Variants in XRRA1 observed in about 807,000 individuals in gnomAD.
XRRA1 encodes X-ray radiation resistance associated 1, also known as X-ray radiation resistance-associated protein 1.
In XRRA1, 69 loss-of-function variants were observed where a neutral mutation model predicts 80.2. The ratio of observed to expected loss-of-function variants is 0.86; its 90% CI spans 0.71 to 1.05. XRRA1 has a LOEUF of 1.05. Ranked by LOEUF, XRRA1 falls within the 50% of genes least tolerant of loss-of-function variation. The pLI, the probability that XRRA1 is intolerant of heterozygous loss-of-function variation, is 0.00. For missense variants in XRRA1, 967 were observed against 976.4 expected (o/e 0.99, Z 0.13); for synonymous variants, 348 against 389.9 (o/e 0.89, Z 1.27).
chr11:74,926,589 T>C (rs1942291108), intron 7 of XRRA1, among the ~76,000 whole-genome samples: 1 of 152,172 alleles, frequency 6.6e-6, no homozygotes, highest in Non-Finnish European at 1.5e-5. Flanking sequence ...TCTCCACATA[T>C]GTTGTCCTTT....
chr11:74,853,136 T>A (rs1019007692), intron 12 of XRRA1, among the ~76,000 whole-genome samples: 12 of 152,108 alleles, frequency 7.9e-5, no homozygotes, highest in African/African-American at 2.9e-4. Flanking sequence ...GAAACAAGCA[T>A]TGGAGAAACA....
At chr11:74,936,106 G>C (rs1036252158) in intron 4 of XRRA1, among the ~76,000 whole-genome samples, 3 of 152,240 alleles carry the variant, frequency 2.0e-5, no homozygotes, top group African/African-American at 7.2e-5. Context: ...GCAGAATCTG[G>C]AAACAAAGTA....
At chr11:74,907,386 GGT>G (rs2054859878) in intron 8 of XRRA1, 113 bp from the exon 9 acceptor site, 2 of 1,410,470 alleles carry the variant, frequency 1.4e-6, no homozygotes, top group East Asian at 4.9e-5. Flanking sequence ...GCTTAGGAAC[GGT>G]TCTAGTGCCC....
chr11:74,845,376 G>A (rs2037809076), intron 15 of XRRA1, 105 bp from the exon 16 acceptor site: 15 of 1,226,068 alleles, frequency 1.2e-5, no homozygotes, highest in Non-Finnish European at 1.7e-5. Flanking sequence ...GCCCTGTTAA[G>A]GGCAAGGGTA....
intron 10 of XRRA1, among the ~76,000 whole-genome samples, chr11:74,899,281 T>C (rs2053080363): frequency 6.6e-6 from 1 of 152,130 alleles, no homozygotes; most frequent in African/African-American, 2.4e-5. Flanking sequence ...GGAAAATTTA[T>C]AGCTCCAAGT....
chr11:74,885,132 A>G (rs1013743396), intron 10 of XRRA1, among the ~76,000 whole-genome samples: 1 of 151,790 alleles, frequency 6.6e-6, no homozygotes, highest in African/African-American at 2.4e-5. Context: ...GGTATGATGA[A>G]GTGCACCTAT....
At chr11:74,870,131 T>C (rs2044428776) in intron 10 of XRRA1, among the ~76,000 whole-genome samples, 1 of 152,138 alleles carries the variant, frequency 6.6e-6, no homozygotes, top group Admixed American at 6.5e-5. Flanking sequence ...GCCACCTAGA[T>C]GCCCTTAGGG....
intron 10 of XRRA1, chr11:74,876,671 A>C (rs12286425): frequency 0.041 from 6,287 of 152,288 alleles, 136 homozygotes; most frequent in African/African-American, 0.058. Flanking sequence ...TGCATCACTC[A>C]AGTCAAAGCC....
intron 8 of XRRA1, chr11:74,919,452 T>G (rs11607203): frequency 0.046 from 8,913 of 193,242 alleles, 324 homozygotes; most frequent in Non-Finnish European, 0.064. Flanking sequence ...CAAGAATTAA[T>G]AAATGAATAA....
At chr11:74,911,632 T>C (rs1021814714) in intron 8 of XRRA1, among the ~76,000 whole-genome samples, 2 of 152,170 alleles carry the variant, frequency 1.3e-5, no homozygotes, top group African/African-American at 4.8e-5. Context: ...GGACTTGAAC[T>C]CCTGGCCTAA....
chr11:74,880,354 TTTTC>T (rs1210535062), intron 10 of XRRA1, among the ~76,000 whole-genome samples: 1 of 151,380 alleles, frequency 6.6e-6, no homozygotes, highest in Admixed American at 6.6e-5. Flanking sequence ...ATTCTTCTTT[TTTTC>T]TTTATTAGTC....
chr11:74,856,238 C>T (rs2041074288), intron 12 of XRRA1, among the ~76,000 whole-genome samples: 1 of 152,098 alleles, frequency 6.6e-6, no homozygotes, highest in Admixed American at 6.5e-5. Flanking sequence ...GTAAGCAAAA[C>T]AAAGTCCTAG....
chr11:74,870,613 A>T (rs1590800580), intron 10 of XRRA1, among the ~76,000 whole-genome samples: 1 of 152,172 alleles, frequency 6.6e-6, no homozygotes, highest in African/African-American at 2.4e-5. Flanking sequence ...TTTCCCTGGC[A>T]GTGAGCATCT....
intron 10 of XRRA1, among the ~76,000 whole-genome samples, chr11:74,879,624 T>A (rs2046981363): frequency 6.6e-6 from 1 of 152,104 alleles, no homozygotes; most frequent in African/African-American, 2.4e-5. Flanking sequence ...CTCTTATTAT[T>A]TTGAAATACG....
At chr11:74,891,879 A>T (rs11501915) in intron 10 of XRRA1, among the ~76,000 whole-genome samples, 1,761 of 152,298 alleles carry the variant, frequency 0.012, 46 homozygotes, top group African/African-American at 0.04. Context: ...GGAGAACTAC[A>T]AACCACTGCT....
intron 8 of XRRA1, among the ~76,000 whole-genome samples, chr11:74,913,085 CA>C (rs1339226281): frequency 2.6e-5 from 4 of 152,204 alleles, no homozygotes; most frequent in Non-Finnish European, 5.9e-5. Flanking sequence ...AGTGAAGTCA[CA>C]TATCTACCCT....
At chr11:74,854,820 C>A (rs2040690170) in intron 12 of XRRA1, among the ~76,000 whole-genome samples, 1 of 152,008 alleles carries the variant, frequency 6.6e-6, no homozygotes, top group Admixed American at 6.6e-5. Flanking sequence ...GAGTTTGAGA[C>A]CAGCCTGGCC....
At chr11:74,910,116 G>A (rs2055527108) in intron 8 of XRRA1, 1 of 152,218 alleles carries the variant, frequency 6.6e-6, no homozygotes, top group African/African-American at 2.4e-5. Flanking sequence ...CAAACAAGAT[G>A]AAACTTAGCA....
In XRRA1 at chr11:74,843,376, CCTT is replaced by C; in HGVS notation, c.2224_2226del (p.Lys742del). 1 of 1,612,244 alleles carries C rather than the reference CCTT, an allele frequency of 6.2e-7. No homozygotes were observed. Among genetic ancestry groups the C allele is most frequent in the South Asian group, 1.1e-5 (1 of 90,576 alleles). ...AGCTGCCGGTAACGTGCCTGGAACT[CCTT>C]CAACAGCCTCTTGGCCTCCAGGTAC... On this transcript the variant is annotated inframe_deletion, in exon 19 of 19. Coordinates refer to ENST00000684022, the MANE Select transcript of XRRA1 (RefSeq NM_001378157.1).
Sources: allele counts gnomAD v4.1 joint callset (sites outside exome capture counted in the v4.1 genomes callset), GRCh38; gene constraint gnomAD v4.1.1; transcripts MANE v1.5; gene names NCBI Gene and HGNC (gene_info 2026-07-23, HGNC 2026-07-21).